The following DRC11 variants were observed in gnomAD, a reference collection of about 807,000 sequenced individuals.
DRC11 encodes the protein IQ and AAA domain-containing protein 1.
the DRC11 span, among the ~76,000 whole-genome samples, chr2:236,452,545 A>G: frequency 6.6e-6 from 1 of 152,204 alleles, no homozygotes; most frequent in African/African-American, 2.4e-5. The surrounding 1 kb of genome is among the most constrained non-coding windows in gnomAD (Gnocchi z 4.7). Context: ...CTGCCTATAA[A>G]TTCACTTACA....
chr2:236,466,868 T>C, the DRC11 span, among the ~76,000 whole-genome samples: 1 of 152,204 alleles, frequency 6.6e-6, no homozygotes, highest in Non-Finnish European at 1.5e-5. Context: ...TCAGTTTTCA[T>C]TTTGCTGAAG....
the DRC11 span, among the ~76,000 whole-genome samples, chr2:236,359,756 C>T: frequency 2.6e-5 from 4 of 152,168 alleles, no homozygotes; most frequent in Non-Finnish European, 5.9e-5. This position sits in a 1 kb window ranked among gnomAD's most constrained non-coding sequence, Gnocchi z 4.3. Context: ...GTGCAGATAG[C>T]TGCTCTGTCA....
chr2:236,341,327 C>T, the DRC11 span, among the ~76,000 whole-genome samples: 2 of 152,208 alleles, frequency 1.3e-5, no homozygotes, highest in Non-Finnish European at 2.9e-5. Context: ...TGACTGAGCG[C>T]ACTCGAGGCG....
chr2:236,491,185 ACAG>A, the DRC11 span, among the ~76,000 whole-genome samples: 1 of 56,846 alleles, frequency 1.8e-5, no homozygotes, highest in Non-Finnish European at 3.5e-5. Flanking sequence ...ATATATACAC[ACAG>A]TATATATATA....
the DRC11 span, among the ~76,000 whole-genome samples, chr2:236,440,477 G>T: frequency 1.3e-5 from 2 of 152,108 alleles, no homozygotes; most frequent in East Asian, 3.9e-4. Flanking sequence ...CCTATTCCTA[G>T]TTTATGAAGA....
the DRC11 span, among the ~76,000 whole-genome samples, chr2:236,337,410 C>T: frequency 6.6e-6 from 1 of 152,218 alleles, no homozygotes; most frequent in African/African-American, 2.4e-5. The surrounding 1 kb of genome is among the most constrained non-coding windows in gnomAD (Gnocchi z 4.9). Context: ...ACTGCCACTG[C>T]CGCCAACACC....
chr2:236,461,141 T>C, the DRC11 span, among the ~76,000 whole-genome samples: 1 of 152,230 alleles, frequency 6.6e-6, no homozygotes. The surrounding 1 kb of genome is among the most constrained non-coding windows in gnomAD (Gnocchi z 4.0). Context: ...CAGTTGTACA[T>C]AGTGCTTTCA....
chr2:236,479,959 C>T, the DRC11 span, among the ~76,000 whole-genome samples: 13 of 151,310 alleles, frequency 8.6e-5, no homozygotes, highest in African/African-American at 2.2e-4. This position sits in a 1 kb window ranked among gnomAD's most constrained non-coding sequence, Gnocchi z 4.1. Context: ...GTCTGGGAAA[C>T]ACTTTATCTC....
chr2:236,400,591 G>A, the DRC11 span, among the ~76,000 whole-genome samples: 3 of 152,216 alleles, frequency 2.0e-5, no homozygotes, highest in African/African-American at 7.2e-5. This position sits in a 1 kb window ranked among gnomAD's most constrained non-coding sequence, Gnocchi z 7.9. Flanking sequence ...AAGGAACAAC[G>A]CTGGCCTCCA....
chr2:236,417,139 G>C, the DRC11 span, among the ~76,000 whole-genome samples: 2 of 152,186 alleles, frequency 1.3e-5, no homozygotes, highest in East Asian at 3.9e-4. Context: ...CAAAGTGCTG[G>C]GATTACAGGC....
chr2:236,307,232 C>A, the DRC11 span, among the ~76,000 whole-genome samples: 3 of 152,246 alleles, frequency 2.0e-5, no homozygotes, highest in East Asian at 5.8e-4. The surrounding 1 kb of genome is among the most constrained non-coding windows in gnomAD (Gnocchi z 7.0). Context: ...CAGGACTTGC[C>A]TCTTCAACAT....
At chr2:236,431,871 T>C in the DRC11 span, among the ~76,000 whole-genome samples, 3 of 152,248 alleles carry the variant, frequency 2.0e-5, no homozygotes, top group East Asian at 1.9e-4. This position sits in a 1 kb window ranked among gnomAD's most constrained non-coding sequence, Gnocchi z 4.2. Context: ...TTGGCAATTA[T>C]GAGTAATGCT....
At chr2:236,344,528 G>A in the DRC11 span, 1 of 1,555,538 alleles carries the variant, frequency 6.4e-7, no homozygotes, top group African/African-American at 1.4e-5. Flanking sequence ...GAAAGAAAAG[G>A]CAAAAGTAAG....
chr2:236,359,052 C>T, the DRC11 span, among the ~76,000 whole-genome samples: 1 of 151,902 alleles, frequency 6.6e-6, no homozygotes, highest in Non-Finnish European at 1.5e-5. This position sits in a 1 kb window ranked among gnomAD's most constrained non-coding sequence, Gnocchi z 4.3. Context: ...GCCCTCCAGA[C>T]CTCTCATTAG....
At chr2:236,413,746 T>G in the DRC11 span, among the ~76,000 whole-genome samples, 1 of 152,230 alleles carries the variant, frequency 6.6e-6, no homozygotes, top group Non-Finnish European at 1.5e-5. The surrounding 1 kb of genome is among the most constrained non-coding windows in gnomAD (Gnocchi z 4.0). Context: ...AGAAGACTCA[T>G]TAATGTTCAT....
At chr2:236,365,314 C>T in the DRC11 span, among the ~76,000 whole-genome samples, 782 of 152,030 alleles carry the variant, frequency 5.1e-3, 5 homozygotes, top group Non-Finnish European at 7.4e-3. This position sits in a 1 kb window ranked among gnomAD's most constrained non-coding sequence, Gnocchi z 7.4. Flanking sequence ...GAAACTGCTC[C>T]CCGCGGAGGA....
At chr2:236,507,167 G>GA in the DRC11 span, 1 of 1,402,918 alleles carries the variant, frequency 7.1e-7, no homozygotes, top group Non-Finnish European at 1.0e-6. Context: ...GAAAAGAAAA[G>GA]AAAAAAGAAA....
the DRC11 span, among the ~76,000 whole-genome samples, chr2:236,312,833 C>T: frequency 6.6e-6 from 1 of 151,860 alleles, no homozygotes; most frequent in Admixed American, 6.5e-5. Context: ...AGAAAAGGCA[C>T]AAAAAACTAA....
chr2:236,357,159 CATATATATCT>C, the DRC11 span, among the ~76,000 whole-genome samples: 20 of 83,900 alleles, frequency 2.4e-4, no homozygotes, highest in African/African-American at 5.5e-4. Context: ...ATTATGTATT[CATATATATCT>C]ATATATTATA....
Sources: gnomAD v4.1 joint callset for allele counts (sites outside exome capture counted in the v4.1 genomes callset) on GRCh38, gnomAD v4.1.1 for gene constraint, Gnocchi (gnomAD v3.1) non-coding constraint, MANE v1.5 for transcripts, NCBI Gene and HGNC (gene_info 2026-07-23, HGNC 2026-07-21) for gene names.